PCDH11X: variants seen among roughly 807,000 people sequenced by gnomAD.
The protein encoded by PCDH11X is protocadherin 11 X-linked, also known as protocadherin-11 X-linked.
A neutral mutation model predicts 53.3 loss-of-function variants in PCDH11X; 18 were observed. The ratio of observed to expected loss-of-function variants is 0.34; its 90% CI spans 0.23 to 0.50. PCDH11X has a LOEUF of 0.50. Ranked by LOEUF, PCDH11X falls within the 20% of genes least tolerant of loss-of-function variation. The pLI, the probability that PCDH11X is intolerant of heterozygous loss-of-function variation, is 0.98. For missense variants in PCDH11X, 570 were observed against 1,032.4 expected, an observed-to-expected ratio of 0.55 and a Z score of 6.14; for synonymous variants, 279 against 393.3, an observed-to-expected ratio of 0.71 and a Z score of 3.44.
rs375794742 is a variant in PCDH11X, at chrX:92,460,121, A to G, written c.3344-8178A>G. 1.2e-5 allele frequency: 13 copies of G among 1,066,223 alleles called. No individual in the cohort carries two copies. The African/African-American group carries it at 1.3e-4, about 11-fold the overall frequency. The allele number at this position is 1,066,223 out of a possible 1,213,427, so 87.9% of individuals were successfully genotyped here. ...GTGGACAATGCCTGCATCGTTCTGC[A>G]TATTGACAATGCCCGTCTTGCTGCT... On this transcript the variant is annotated intron_variant, in intron 9 of 10. Coordinates refer to ENST00000682573, the MANE Select transcript of PCDH11X (RefSeq NM_032968.5).
At chrX:92,499,996 C>T (rs761470138) in intron 10 of PCDH11X, among the ~76,000 whole-genome samples, 2 of 110,285 alleles carry the variant, frequency 1.8e-5, no homozygotes, top group South Asian at 3.8e-4. Flanking sequence ...TTTTTCAATT[C>T]CAAATCCAGC....
intron 4 of PCDH11X, among the ~76,000 whole-genome samples, chrX:91,821,386 C>T (rs1389289033): frequency 3.7e-5 from 4 of 109,344 alleles, no homozygotes; most frequent in African/African-American, 1.0e-4. Flanking sequence ...AGAGGTCCTT[C>T]ACATCCCTTG....
intron 10 of PCDH11X, among the ~76,000 whole-genome samples, chrX:92,576,864 G>A (rs1340433817): frequency 9.0e-6 from 1 of 111,190 alleles, no homozygotes; most frequent in African/African-American, 3.3e-5. Context: ...TACAGTTACA[G>A]TGTTATAATA....
At chrX:92,316,561 T>G (rs1279834994) in intron 8 of PCDH11X, among the ~76,000 whole-genome samples, 1 of 111,824 alleles carries the variant, frequency 8.9e-6, no homozygotes, top group Non-Finnish European at 1.9e-5. Context: ...GTTTAGAAAT[T>G]TAATTAAACA....
chrX:91,792,281 T>C (rs1483785696), intron 1 of PCDH11X, among the ~76,000 whole-genome samples: 1 of 112,076 alleles, frequency 8.9e-6, no homozygotes, highest in Non-Finnish European at 1.9e-5. Context: ...TGAAATAATT[T>C]CTTGGCCTGA....
intron 10 of PCDH11X, among the ~76,000 whole-genome samples, chrX:92,479,518 G>T (rs1363378283): frequency 9.5e-6 from 1 of 105,721 alleles, no homozygotes; most frequent in Non-Finnish European, 1.9e-5. Flanking sequence ...TCCATATTTA[G>T]TGCTTCTATC....
At chrX:92,594,353 C>T (rs1297947962) in intron 10 of PCDH11X, among the ~76,000 whole-genome samples, 3 of 110,862 alleles carry the variant, frequency 2.7e-5, no homozygotes, top group Non-Finnish European at 5.7e-5. Context: ...ATATATTTGG[C>T]TTATTTGGTA....
At chrX:92,517,562 T>G (rs2074291352) in intron 10 of PCDH11X, among the ~76,000 whole-genome samples, 1 of 111,714 alleles carries the variant, frequency 9.0e-6, no homozygotes, top group African/African-American at 3.3e-5. Flanking sequence ...TATATAACAT[T>G]AAATAGCCAA....
intron 6 of PCDH11X, among the ~76,000 whole-genome samples, chrX:91,921,734 A>C (rs1390762355): frequency 9.4e-6 from 1 of 106,574 alleles, no homozygotes; most frequent in Non-Finnish European, 1.9e-5. Flanking sequence ...GGTTACATTC[A>C]AATTTTGGCA....
intron 8 of PCDH11X, among the ~76,000 whole-genome samples, chrX:92,365,594 C>T (rs1245701802): frequency 9.0e-6 from 1 of 111,040 alleles, no homozygotes; most frequent in African/African-American, 3.3e-5. Flanking sequence ...ATGCATTGTG[C>T]TATGATGTTA....
chrX:91,790,835 T>C (rs891853322), intron 1 of PCDH11X, among the ~76,000 whole-genome samples: 1 of 110,711 alleles, frequency 9.0e-6, no homozygotes, highest in African/African-American at 3.3e-5. Flanking sequence ...AAAGCAACCA[T>C]TGAAATAAGT....
At chrX:91,890,263 G>T (rs1036190741) in intron 6 of PCDH11X, among the ~76,000 whole-genome samples, 4 of 111,489 alleles carry the variant, frequency 3.6e-5, no homozygotes, top group African/African-American at 1.3e-4. Context: ...ACTAAAGAAA[G>T]CTTGTTAAAA....
At chrX:92,611,815 T>G (rs1168314772) in intron 10 of PCDH11X, among the ~76,000 whole-genome samples, 24 of 104,634 alleles carry the variant, frequency 2.3e-4, no homozygotes, top group African/African-American at 8.5e-4. Flanking sequence ...CAAAAGCTAT[T>G]TCTGTGTCTA....
intron 8 of PCDH11X, among the ~76,000 whole-genome samples, chrX:92,263,867 A>T (rs988512538): frequency 8.9e-6 from 1 of 112,311 alleles, no homozygotes; most frequent in Admixed American, 9.5e-5. Context: ...AAAGTTTTCC[A>T]GTTGTTTATT....
chrX:91,808,910 G>A (rs1239719138), intron 1 of PCDH11X, among the ~76,000 whole-genome samples: 12 of 109,355 alleles, frequency 1.1e-4, no homozygotes, highest in Non-Finnish European at 1.1e-4. Flanking sequence ...TTATTTCCAC[G>A]TTGATCATAT....
chrX:91,990,114 AT>A (rs200229148), intron 6 of PCDH11X, among the ~76,000 whole-genome samples: 2,869 of 110,202 alleles, frequency 0.026, 83 homozygotes, highest in East Asian at 0.22. Context: ...CTGAGTTTTT[AT>A]TTTTGTTATT....
At chrX:91,800,124 T>C (rs1177961227) in intron 1 of PCDH11X, among the ~76,000 whole-genome samples, 1 of 110,961 alleles carries the variant, frequency 9.0e-6, no homozygotes, top group South Asian at 3.8e-4. Flanking sequence ...CTTTTCACAC[T>C]CTTCCATTTT....
At chrX:92,281,864 C>T (rs1366093108) in intron 8 of PCDH11X, among the ~76,000 whole-genome samples, 2 of 111,592 alleles carry the variant, frequency 1.8e-5, no homozygotes, top group East Asian at 5.6e-4. Flanking sequence ...TTCTTTCATT[C>T]AACAAACTTT....
chrX:92,359,443 A>G (rs868496348), intron 8 of PCDH11X, among the ~76,000 whole-genome samples: 3 of 107,820 alleles, frequency 2.8e-5, no homozygotes, highest in Non-Finnish European at 3.9e-5. Flanking sequence ...GGATTGTTGT[A>G]TTTAATTTCT....
Sources: allele counts gnomAD v4.1 joint callset (sites outside exome capture counted in the v4.1 genomes callset), GRCh38; gene constraint gnomAD v4.1.1; transcripts MANE v1.5; gene names NCBI Gene and HGNC (gene_info 2026-07-23, HGNC 2026-07-21).